Variants in TTC3 observed in about 807,000 individuals in gnomAD.
TTC3 encodes the protein tetratricopeptide repeat domain 3.
TTC3 carries 180 observed loss-of-function variants against 249.6 expected under a neutral mutation model. The ratio of observed to expected loss-of-function variants is 0.72; its 90% CI spans 0.64 to 0.82. The LOEUF is 0.82. Ranked by LOEUF, TTC3 falls within the 40% of genes least tolerant of loss-of-function variation. The probability of loss-of-function intolerance (pLI) is 0.00; values close to 1 mark genes in which losing one functional copy is unlikely to be tolerated. For synonymous variants in TTC3, 717 were observed against 805.0 expected (o/e 0.89, Z 1.85); for missense variants, 2,061 against 2,398.4 (o/e 0.86, Z 2.94).
rs138203495 is a variant in TTC3 at position 37,117,295 on chromosome 21, C to A, written c.901-4522C>A. Among the ~76,000 whole-genome samples the A allele has an allele frequency of 1.5e-3, 224 of 152,088 alleles. 2 individuals carry two copies. The highest frequency in any genetic ancestry group is 4.9e-3 in the African/African-American group (205 of 41,488). On this transcript the variant is annotated intron_variant, in intron 11 of 45. Coordinates refer to ENST00000355666, the Ensembl canonical transcript of TTC3. ...TAAATGCCTTATTTTACACATGAAG[C>A]AATTGAGTCCCAGAGAGGTAGAGTG...
intron 36 of TTC3, among the ~76,000 whole-genome samples, chr21:37,184,648 T>TTTTTA (rs35176166): frequency 2.7e-5 from 4 of 150,092 alleles, no homozygotes. Context: ...TTTTTTTTTT[T>TTTTTA]AGTAGAGATG....
rs58809719 is a variant in TTC3, at chr21:37,081,109, C to CTTTTTTTTTTTTTTTTTT, written c.-11-6128_-11-6111dup. Reference sequence around the variant, plus strand: ...AGTGTGCTGCCAGTTTTATTTATGCCTTTTTTTTTTTTTTTTTTTTTTTTT... The same window carrying CTTTTTTTTTTTTTTTTTT: ...AGTGTGCTGCCAGTTTTATTTATGCCTTTTTTTTTTTTTTTTTTTTTTTTTTTTTTTTTTTTTTTTTTT... On this transcript the variant is annotated intron_variant, in intron 1 of 45. Coordinates refer to ENST00000355666, the Ensembl canonical transcript of TTC3. 3.4e-5 allele frequency among the ~76,000 whole-genome samples: 2 copies of CTTTTTTTTTTTTTTTTTT among 58,190 alleles called. 1 individual carries two copies. The highest frequency in any genetic ancestry group is 1.0e-3 in the East Asian group (2 of 1,912). The allele number at this position is 58,190 out of a possible 152,430, so 38.2% of individuals were successfully genotyped here. A position where few individuals can be genotyped will look rare whatever the true frequency, so the allele number is the denominator to read the frequency against.
chr21:37,193,994 A>T (rs920525162), intron 41 of TTC3: 6 of 152,264 alleles, frequency 3.9e-5, no homozygotes, highest in African/African-American at 1.4e-4. Context: ...TTAGAGTTCC[A>T]GATGGAACAC....
chr21:37,097,811 A>G, intron 10 of TTC3: 1 of 549,896 alleles, frequency 1.8e-6, no homozygotes, highest in Admixed American at 3.5e-5. Flanking sequence ...GTTGTTTTTC[A>G]GTGAAAGCGC....
At chr21:37,127,320 G>A (rs2077113658) in intron 15 of TTC3, among the ~76,000 whole-genome samples, 1 of 152,102 alleles carries the variant, frequency 6.6e-6, no homozygotes, top group African/African-American at 2.4e-5. Flanking sequence ...CAGTGCTGTA[G>A]GCTAAGTCTC....
intron 1 of TTC3, 160 bp downstream of exon 1, chr21:37,073,633 G>A (rs2070355114): frequency 2.6e-6 from 1 of 384,064 alleles, no homozygotes. Context: ...GAGGCCCTGG[G>A]ATGCCGGTGC....
At position 37,089,544 on chromosome 21, in the gene TTC3, C is replaced by T. The variant is rs148647749; in HGVS notation, c.426+658C>T. 1.5e-3 allele frequency among the ~76,000 whole-genome samples: 225 copies of T among 152,188 alleles called. 2 individuals are homozygous for T. The highest frequency in any genetic ancestry group is 4.9e-3 in the African/African-American group (205 of 41,520). On this transcript the variant is annotated intron_variant, in intron 5 of 45. Coordinates refer to ENST00000355666, the Ensembl canonical transcript of TTC3. ...TATTATTATTTTTGAGATGGAGTCA[C>T]CCTCTGTCGCCCATGCTGGAGTGCA...
intron 10 of TTC3, among the ~76,000 whole-genome samples, chr21:37,106,632 C>A (rs577450395): frequency 6.6e-6 from 1 of 152,156 alleles, no homozygotes; most frequent in Non-Finnish European, 1.5e-5. Context: ...TGCCTGTATT[C>A]CCAGCACTTT....
intron 23 of TTC3, 31 bp from the exon 24 acceptor site, chr21:37,150,047 T>A: frequency 6.9e-7 from 1 of 1,454,032 alleles, no homozygotes; most frequent in East Asian, 2.3e-5. Flanking sequence ...ACATAACATT[T>A]TTCTTGTTTT....
At chr21:37,116,608 A>T (rs2154535) in intron 11 of TTC3, among the ~76,000 whole-genome samples, 1 of 151,548 alleles carries the variant, frequency 6.6e-6, no homozygotes, top group Admixed American at 6.6e-5. Context: ...CAGGAGTTCC[A>T]AGACCAGCCT....
chr21:37,125,988 CT>C, intron 14 of TTC3, 91 bp from the exon 15 acceptor site: 1 of 1,223,198 alleles, frequency 8.2e-7, no homozygotes, highest in Non-Finnish European at 1.1e-6. Context: ...GAATTCTATC[CT>C]ATTCTATTCT....
chr21:37,132,778 G>A lies in TTC3; in HGVS notation c.1443+12G>A. ...GAGCTGCACACCAGGTAATGGAGAA[G>A]CTTTTCCAATGGAAAAAGCAAAACT... On this transcript the variant is annotated intron_variant, in intron 17 of 45. Coordinates refer to ENST00000355666, the Ensembl canonical transcript of TTC3. The A allele has an allele frequency of 6.3e-7, 1 of 1,580,382 alleles. No individual in the cohort carries two copies. The highest frequency in any genetic ancestry group is 1.2e-5 in the South Asian group (1 of 82,774).
intron 18 of TTC3, among the ~76,000 whole-genome samples, chr21:37,137,136 A>G (rs928913699): frequency 1.3e-5 from 2 of 152,240 alleles, no homozygotes; most frequent in African/African-American, 2.4e-5. Context: ...TGTGGTGTAC[A>G]TGTACAAGGA....
chr21:37,140,282 C>G (rs1261473309), intron 19 of TTC3, among the ~76,000 whole-genome samples: 2 of 152,032 alleles, frequency 1.3e-5, no homozygotes, highest in Admixed American at 6.6e-5. Flanking sequence ...TAGTATTAGC[C>G]AGCACACGCC....
chr21:37,081,727 C>G (rs923751307), intron 1 of TTC3: 4 of 152,030 alleles, frequency 2.6e-5, no homozygotes, highest in Non-Finnish European at 5.9e-5. Context: ...CTTTGTTTCT[C>G]TTTACCAGAA....
At chr21:37,105,254 A>AG (rs1294946454) in intron 10 of TTC3, among the ~76,000 whole-genome samples, 1 of 152,180 alleles carries the variant, frequency 6.6e-6, no homozygotes, top group Non-Finnish European at 1.5e-5. Flanking sequence ...CAGCTAGCGT[A>AG]GGCAGCTTTT....
chr21:37,098,124 C>T (rs768968393), intron 10 of TTC3: 18 of 491,376 alleles, frequency 3.7e-5, no homozygotes, highest in Non-Finnish European at 4.7e-5. Flanking sequence ...CTGTCCTCAA[C>T]GGGTTCTGAC....
At chr21:37,135,991 T>C (rs562251189) in intron 18 of TTC3, among the ~76,000 whole-genome samples, 1 of 152,330 alleles carries the variant, frequency 6.6e-6, no homozygotes, top group Admixed American at 6.5e-5. Context: ...GTCAAACTTT[T>C]TCATTATCAT....
At chr21:37,199,496 C>T (rs1178392002) in intron 44 of TTC3, among the ~76,000 whole-genome samples, 8 of 152,220 alleles carry the variant, frequency 5.3e-5, no homozygotes, top group African/African-American at 9.6e-5. Flanking sequence ...GACTGTGAGC[C>T]GCTGAGGCCA....
Sources: gnomAD v4.1 joint callset for allele counts (sites outside exome capture counted in the v4.1 genomes callset) on GRCh38, gnomAD v4.1.1 for gene constraint, MANE v1.5 for transcripts, NCBI Gene and HGNC (gene_info 2026-07-23, HGNC 2026-07-21) for gene names.